Variants in HAPLN1 observed in about 807,000 individuals in gnomAD.
HAPLN1 encodes hyaluronan and proteoglycan link protein 1, also known as Cartilage link protein.
In HAPLN1, 13 loss-of-function variants were observed where a neutral mutation model predicts 36.5. The observed-to-expected ratio is 0.36, with a 90% confidence interval of 0.23 to 0.57. HAPLN1 has a LOEUF of 0.57. Among genes scored for constraint, HAPLN1 ranks in the 20% least tolerant of loss-of-function variants. HAPLN1 has a pLI of 0.83. For missense variants in HAPLN1, 407 were observed against 439.7 expected (o/e 0.93, Z 0.66); for synonymous variants, 202 against 169.8 (o/e 1.19, Z -1.48).
intron 1 of HAPLN1, among the ~76,000 whole-genome samples, chr5:83,690,259 T>A (rs1751240804): frequency 6.6e-6 from 1 of 152,054 alleles, no homozygotes; most frequent in South Asian, 2.1e-4. Context: ...TTCTGATACC[T>A]TTTTCAGAAA....
At chr5:83,641,875 T>C (rs992028046) in intron 4 of HAPLN1, 90 bp from the exon 5 acceptor site, 11 of 1,306,552 alleles carry the variant, frequency 8.4e-6, no homozygotes, top group African/African-American at 1.5e-5. Flanking sequence ...TGTTTCTCAA[T>C]GAAGGGGGAT....
chr5:83,698,372 T>C (rs1315338535), intron 1 of HAPLN1, among the ~76,000 whole-genome samples: 3 of 152,306 alleles, frequency 2.0e-5, no homozygotes, highest in African/African-American at 2.4e-5. Context: ...CTTGGTACTC[T>C]TGTCAAAAAT....
chr5:83,658,997 G>A (rs1750305162), intron 2 of HAPLN1, among the ~76,000 whole-genome samples: 2 of 152,110 alleles, frequency 1.3e-5, no homozygotes, highest in Admixed American at 1.3e-4. Context: ...CCTGGAGCTG[G>A]GTGCAGTGGC....
intron 1 of HAPLN1, among the ~76,000 whole-genome samples, chr5:83,682,072 A>C (rs1335259457): frequency 3.9e-5 from 6 of 152,184 alleles, no homozygotes; most frequent in African/African-American, 1.4e-4. Context: ...TGAGCCAGCA[A>C]AACAATATTT....
chr5:83,642,496 T>C (rs910723319), intron 4 of HAPLN1, among the ~76,000 whole-genome samples: 1 of 152,214 alleles, frequency 6.6e-6, no homozygotes, highest in African/African-American at 2.4e-5. Flanking sequence ...CCCGATCACT[T>C]ATTGAATAGT....
At position 83,673,476 on chromosome 5, in the gene HAPLN1, A is replaced by C. The variant is rs780289242; in HGVS notation, c.48T>G (p.Asp16Glu). ...LLVLISICWADHLSDNYTLDH... is the reference protein window; with the variant it reads ...LLVLISICWAEHLSDNYTLDH... ...CCAGAGTATAGTTGTCTGAAAGATG[A>C]TCAGCCCAGCAGATTGAAATCAGCA... The change falls in exon 2 of 5, where the codon GAT becomes GAG. Residue 16 changes from aspartate (D) to glutamate (E), a missense_variant. Asp to Glu is a conservative substitution (Grantham distance 45, BLOSUM62 2). Coordinates refer to ENST00000274341, the MANE Select transcript of HAPLN1 (RefSeq NM_001884.4). 7.4e-6 allele frequency: 12 copies of C among 1,613,672 alleles called. No homozygotes were observed. The highest frequency in any genetic ancestry group is 9.3e-6 in the Non-Finnish European group (11 of 1,179,876).
At chr5:83,665,413 A>C (rs1042405316) in intron 2 of HAPLN1, among the ~76,000 whole-genome samples, 1 of 152,210 alleles carries the variant, frequency 6.6e-6, no homozygotes, top group African/African-American at 2.4e-5. Flanking sequence ...TGAGCCAAAA[A>C]GACAACATAA....
chr5:83,702,875 C>A (rs1350609785), intron 1 of HAPLN1, among the ~76,000 whole-genome samples: 1 of 152,148 alleles, frequency 6.6e-6, no homozygotes, highest in Admixed American at 6.5e-5. Flanking sequence ...CCACACTTGA[C>A]TAATTTTTGC....
chr5:83,715,786 A>G (rs1228983863), intron 1 of HAPLN1, among the ~76,000 whole-genome samples: 1 of 152,232 alleles, frequency 6.6e-6, no homozygotes, highest in African/African-American at 2.4e-5. Context: ...TCAGCTCAGC[A>G]TTTGCACACA....
In HAPLN1 at chr5:83,644,447, T is replaced by A. The variant is rs1224660590; in HGVS notation, c.691A>T (p.Thr231Ser). Residue 231 changes from threonine to serine, a missense_variant, in exon 4 of 5, where the codon ACA becomes TCA. Coordinates refer to ENST00000274341, the MANE Select transcript of HAPLN1 (RefSeq NM_001884.4). ...KPREPCGGQN[T>S]VPGVRNYGFW... is the part of the protein sequence containing the mutation. ...CCGTAGTTCCTGACTCCGGGCACTG[T>A]GTTCTGCCCCCCACAGGGCTCTCTG... 1 of 1,612,610 alleles carries A rather than the reference T, an allele frequency of 6.2e-7. No individual in the cohort carries two copies. Among genetic ancestry groups the A allele is most frequent in the Non-Finnish European group, 8.5e-7 (1 of 1,179,520 alleles).
At chr5:83,647,547 G>A (rs1469435254) in intron 3 of HAPLN1, among the ~76,000 whole-genome samples, 1 of 152,134 alleles carries the variant, frequency 6.6e-6, no homozygotes, top group Non-Finnish European at 1.5e-5. Flanking sequence ...CTTCTGGCTA[G>A]TTAAGATTTT....
At chr5:83,658,113 T>C (rs989320541) in intron 2 of HAPLN1, among the ~76,000 whole-genome samples, 1 of 152,102 alleles carries the variant, frequency 6.6e-6, no homozygotes, top group Non-Finnish European at 1.5e-5. Context: ...TAATGAATTA[T>C]TTGAAAAAAA....
At chr5:83,716,019 C>T (rs376206754) in intron 1 of HAPLN1, among the ~76,000 whole-genome samples, 16 of 151,954 alleles carry the variant, frequency 1.1e-4, no homozygotes, top group African/African-American at 3.9e-4. Flanking sequence ...GGTAAATAGC[C>T]AGTGCTCAAT....
chr5:83,661,582 C>T (rs1750392994), intron 2 of HAPLN1, among the ~76,000 whole-genome samples: 1 of 151,734 alleles, frequency 6.6e-6, no homozygotes, highest in African/African-American at 2.4e-5. Flanking sequence ...GTAGCTGGGA[C>T]TACAGGCGTC....
chr5:83,679,974 G>A (rs1420654), intron 1 of HAPLN1, among the ~76,000 whole-genome samples: 116,781 of 152,130 alleles, frequency 0.77, 44,993 homozygotes, highest in East Asian at 0.83. Context: ...CTCATCAGCA[G>A]ATAAATTCAT....
intron 1 of HAPLN1, among the ~76,000 whole-genome samples, chr5:83,706,696 C>T (rs1396653235): frequency 1.3e-5 from 2 of 152,166 alleles, no homozygotes; most frequent in African/African-American, 4.8e-5. Context: ...TCTCTCACCA[C>T]TTTTATTTAA....
At chr5:83,703,167 C>T (rs1751550916) in intron 1 of HAPLN1, among the ~76,000 whole-genome samples, 1 of 152,168 alleles carries the variant, frequency 6.6e-6, no homozygotes, top group Non-Finnish European at 1.5e-5. Context: ...GCGTTAACTC[C>T]ATCTGAGATG....
chr5:83,656,327 CAAAAAAAAAAAAA>C (rs35902132), intron 2 of HAPLN1, among the ~76,000 whole-genome samples: 43 of 59,788 alleles, frequency 7.2e-4, no homozygotes, highest in African/African-American at 3.0e-3. Context: ...GACTACGTCT[CAAAAAAAAAAAAA>C]AAAAAAAAAA....
At chr5:83,651,015 T>C (rs1750047651) in intron 3 of HAPLN1, among the ~76,000 whole-genome samples, 1 of 152,212 alleles carries the variant, frequency 6.6e-6, no homozygotes, top group African/African-American at 2.4e-5. Context: ...ATTGTATTTA[T>C]TTTTATTATT....
Sources: gnomAD v4.1 joint callset for allele counts (sites outside exome capture counted in the v4.1 genomes callset) on GRCh38, gnomAD v4.1.1 for gene constraint, MANE v1.5 for transcripts, NCBI Gene and HGNC (gene_info 2026-07-23, HGNC 2026-07-21) for gene names.